Variants in FAM227B observed in about 807,000 individuals in gnomAD.
FAM227B encodes protein FAM227B.
Under a neutral mutation model 73.8 loss-of-function variants are expected in FAM227B, and 88 were observed. That is an observed-to-expected ratio of 1.19 (90% CI 1.00 to 1.42). The LOEUF is 1.42. FAM227B is among the 40% of genes most tolerant of loss of function. FAM227B has a pLI of 0.00. For missense variants in FAM227B, 632 were observed against 590.9 expected (o/e 1.07, Z -0.72); for synonymous variants, 210 against 190.5 (o/e 1.10, Z -0.84).
chr15:49,441,348 A>T (rs2051622488), intron 11 of FAM227B, among the ~76,000 whole-genome samples: 1 of 151,790 alleles, frequency 6.6e-6, no homozygotes, highest in African/African-American at 2.4e-5. Context: ...AAAGCATAAC[A>T]TATGTCTTGG....
At chr15:49,360,702 C>G (rs1175761220) in intron 13 of FAM227B, among the ~76,000 whole-genome samples, 1 of 152,078 alleles carries the variant, frequency 6.6e-6, no homozygotes, top group African/African-American at 2.4e-5. Flanking sequence ...ACTCATAATT[C>G]AAATATCAAG....
rs1369548377 is a variant in FAM227B at position 49,568,445 on chromosome 15, A to G, written c.646-99T>C. 10 of 964,082 alleles carry G rather than the reference A, an allele frequency of 1.0e-5. No homozygotes were observed. The East Asian group carries it at 2.4e-4, about 23-fold the overall frequency. 59.7% of individuals were successfully genotyped at this position (964,082 alleles called of 1,614,324 possible). A position where few individuals can be genotyped will look rare whatever the true frequency, so the allele number is the denominator to read the frequency against. ...TTCATTTATTCTCATGAGCAGATCA[A>G]TTGGTACAGGAGAATCAGCATGGGT... On this transcript the variant is annotated intron_variant, in intron 8 of 15. Transcript: ENST00000299338.
rs781332253 is a variant in FAM227B at position 49,367,595 on chromosome 15, C to T, written c.1124G>A (p.Ser375Asn). 1 of 1,584,398 alleles carries T rather than the reference C, an allele frequency of 6.3e-7. No homozygotes were observed. The highest frequency in any genetic ancestry group is 8.5e-7 in the Non-Finnish European group (1 of 1,172,720). Residue 375 changes from serine to asparagine, a missense_variant, in exon 13 of 16, where the codon AGT (serine) becomes AAT (asparagine). Physicochemically the swap from Ser to Asn is conservative, Grantham distance 46. Coordinates refer to ENST00000299338, the MANE Select transcript of FAM227B (RefSeq NM_152647.3). ...SRLATKSHYS[S>N]TGPEFNRVLF... ...AACACGATTAAACTCTGGACCAGTA[C>T]TACTATAGTGCGACTGTAAGAGGAA...
chr15:49,576,907 A>T, intron 6 of FAM227B, 62 bp from the exon 7 acceptor site: 1 of 881,984 alleles, frequency 1.1e-6, no homozygotes, highest in East Asian at 2.5e-5. Flanking sequence ...TAGTAGACTC[A>T]TATAACTACA....
chr15:49,582,878 AG>A (rs2075901570), intron 5 of FAM227B, among the ~76,000 whole-genome samples: 1 of 152,056 alleles, frequency 6.6e-6, no homozygotes, highest in South Asian at 2.1e-4. Context: ...AATGACTTTC[AG>A]GAAAAAAAAA....
At chr15:49,537,485 C>T (rs548286274) in intron 10 of FAM227B, among the ~76,000 whole-genome samples, 1 of 151,984 alleles carries the variant, frequency 6.6e-6, no homozygotes, top group African/African-American at 2.4e-5. Flanking sequence ...ACTGGTGCAG[C>T]TATTGAGGAA....
intron 11 of FAM227B, among the ~76,000 whole-genome samples, chr15:49,374,235 C>T (rs1402276411): frequency 6.6e-6 from 1 of 152,148 alleles, no homozygotes; most frequent in Non-Finnish European, 1.5e-5. Context: ...TATAATTTTA[C>T]AGTCGACTTT....
intron 11 of FAM227B, among the ~76,000 whole-genome samples, chr15:49,500,660 AT>A (rs780534094): frequency 7.9e-5 from 12 of 152,248 alleles, no homozygotes; most frequent in African/African-American, 2.4e-4. Flanking sequence ...AAAATTTCGG[AT>A]AAGAGATTGA....
chr15:49,370,539 G>A (rs8025237), intron 12 of FAM227B, among the ~76,000 whole-genome samples: 62,974 of 152,034 alleles, frequency 0.41, 13,191 homozygotes, highest in African/African-American at 0.43. Flanking sequence ...GAATAAAGTA[G>A]GAAGATATTT....
intron 3 of FAM227B, among the ~76,000 whole-genome samples, chr15:49,602,373 A>C (rs1480672641): frequency 6.6e-6 from 1 of 152,068 alleles, no homozygotes; most frequent in Non-Finnish European, 1.5e-5. Flanking sequence ...TATAGTTTAG[A>C]TTTGCATTTC....
intron 11 of FAM227B, among the ~76,000 whole-genome samples, chr15:49,393,406 C>T (rs991230174): frequency 2.0e-5 from 3 of 152,082 alleles, no homozygotes; most frequent in Admixed American, 6.6e-5. Flanking sequence ...ATATTTCCAT[C>T]GGAATGTTTA....
intron 11 of FAM227B, among the ~76,000 whole-genome samples, chr15:49,416,570 C>T (rs1881800794): frequency 1.3e-5 from 2 of 152,134 alleles, no homozygotes; most frequent in South Asian, 4.2e-4. Context: ...AGTCAAACTA[C>T]CCTGTTTGCA....
At chr15:49,584,268 T>C (rs2076004942) in intron 5 of FAM227B, among the ~76,000 whole-genome samples, 2 of 152,180 alleles carry the variant, frequency 1.3e-5, no homozygotes, top group South Asian at 4.1e-4. Context: ...AAAAATGACA[T>C]GATTATCTCA....
intron 11 of FAM227B, among the ~76,000 whole-genome samples, chr15:49,447,059 T>C (rs2052288395): frequency 6.6e-6 from 1 of 151,598 alleles, no homozygotes; most frequent in Non-Finnish European, 1.5e-5. Context: ...GTGATTCTAC[T>C]AACATTACCC....
At chr15:49,531,001 C>A (rs569144963) in intron 10 of FAM227B, among the ~76,000 whole-genome samples, 22 of 151,728 alleles carry the variant, frequency 1.4e-4, no homozygotes, top group African/African-American at 5.3e-4. Flanking sequence ...TAATGTTTTA[C>A]TATGCATTAT....
intron 11 of FAM227B, among the ~76,000 whole-genome samples, chr15:49,431,716 C>A (rs1388138351): frequency 1.3e-5 from 2 of 151,398 alleles, no homozygotes; most frequent in Non-Finnish European, 3.0e-5. Context: ...GGAAAAAGAG[C>A]AAAAGAGAAA....
At chr15:49,464,275 C>G (rs2151941126) in intron 11 of FAM227B, among the ~76,000 whole-genome samples, 1 of 152,244 alleles carries the variant, frequency 6.6e-6, no homozygotes, top group South Asian at 2.1e-4. Flanking sequence ...TTTCTGCCCC[C>G]ACCTCTAGTC....
At chr15:49,568,443 C>A in intron 8 of FAM227B, 97 bp from the exon 9 acceptor site, 1 of 970,002 alleles carries the variant, frequency 1.0e-6, no homozygotes, top group Non-Finnish European at 1.5e-6. Flanking sequence ...ATGAGCAGAT[C>A]AATTGGTACA....
intron 11 of FAM227B, among the ~76,000 whole-genome samples, chr15:49,401,308 T>C (rs1172978239): frequency 1.3e-5 from 2 of 152,258 alleles, no homozygotes; most frequent in South Asian, 2.1e-4. Flanking sequence ...GTGATACCAT[T>C]TCACACCAGT....
Sources: allele counts gnomAD v4.1 joint callset (sites outside exome capture counted in the v4.1 genomes callset), GRCh38; gene constraint gnomAD v4.1.1; transcripts MANE v1.5; gene names NCBI Gene and HGNC (gene_info 2026-07-23, HGNC 2026-07-21).